Variants in IGSF10 observed in about 807,000 individuals in gnomAD.
IGSF10 encodes the protein immunoglobulin superfamily member 10.
Under a neutral mutation model 128.2 loss-of-function variants are expected in IGSF10, and 126 were observed. The observed-to-expected ratio is 0.98, with a 90% confidence interval of 0.85 to 1.14. IGSF10 has a LOEUF of 1.14. Among genes scored for constraint, IGSF10 ranks in the 50% most tolerant of loss-of-function variants. The probability of loss-of-function intolerance (pLI) is 0.00; values close to 1 mark genes in which losing one functional copy is unlikely to be tolerated. For synonymous variants in IGSF10, 1,185 were observed against 1,146.2 expected (o/e 1.03, Z -0.68); for missense variants, 3,295 against 3,149.8 (o/e 1.05, Z -1.10).
the IGSF10 span, among the ~76,000 whole-genome samples, chr3:151,619,472 G>A: frequency 1.5e-5 from 2 of 134,766 alleles, no homozygotes; most frequent in African/African-American, 2.7e-5. Context: ...GTGTGTGTGT[G>A]TATGTAGTGG....
the IGSF10 span, among the ~76,000 whole-genome samples, chr3:151,472,098 T>C: frequency 3.9e-5 from 6 of 152,182 alleles, no homozygotes; most frequent in African/African-American, 1.4e-4. Flanking sequence ...AAAAAAATAC[T>C]GGTGGGGTGA....
chr3:151,564,961 C>T, the IGSF10 span, among the ~76,000 whole-genome samples: 3 of 152,142 alleles, frequency 2.0e-5, no homozygotes, highest in African/African-American at 7.2e-5. Context: ...ACTCTTGTAA[C>T]AAGCCTAGGA....
the IGSF10 span, among the ~76,000 whole-genome samples, chr3:151,582,300 G>GGC: frequency 6.9e-4 from 72 of 103,948 alleles, 10 homozygotes; most frequent in African/African-American, 2.4e-3. Flanking sequence ...TCCGGGGGGG[G>GGC]GGGCGGGAAG....
chr3:151,444,407 G>A (rs535014493), intron 6 of IGSF10, among the ~76,000 whole-genome samples: 25 of 152,154 alleles, frequency 1.6e-4, no homozygotes, highest in East Asian at 1.4e-3. Flanking sequence ...TCCCAGGTTC[G>A]AGCAATTCTT....
chr3:151,457,122 ATC>A lies in IGSF10; in HGVS notation c.226_227del (p.Asp76PhefsTer22), dbSNP rs769673083. 2.9e-5 allele frequency: 47 copies of A among 1,614,080 alleles called. No homozygotes were observed. Among genetic ancestry groups the A allele is most frequent in the Middle Eastern group, 1.6e-4 (1 of 6,084 alleles). On this transcript the variant is annotated frameshift_variant, in exon 4 of 8. Transcript: ENST00000282466. LOFTEE classifies it high-confidence loss of function. Reference protein sequence around the residue: ...YNSLVRLMETDFSGLTKLELL... With the variant: ...YNSLVRLMETXFSGLTKLELL... ...ACTCCAGTTTGGTCAGGCCAGAAAA[ATC>A]TGTTTCCATCAATCTAACCAAGCTG...
chr3:151,484,973 A>T, the IGSF10 span, among the ~76,000 whole-genome samples: 2 of 152,184 alleles, frequency 1.3e-5, no homozygotes, highest in Non-Finnish European at 2.9e-5. Flanking sequence ...TGACAGAAGT[A>T]GGTTTCAGAA....
At chr3:151,519,206 G>A in the IGSF10 span, among the ~76,000 whole-genome samples, 1 of 151,948 alleles carries the variant, frequency 6.6e-6, no homozygotes, top group South Asian at 2.1e-4. Context: ...TGTCTGTGGA[G>A]ACTATGGCAA....
rs1449380184 is a variant in IGSF10 at position 151,445,279 on chromosome 3, A to G, written c.4702T>C (p.Ser1568Pro). 1 of 1,613,946 alleles carries G rather than the reference A, an allele frequency of 6.2e-7. No homozygotes were observed. Among genetic ancestry groups the G allele is most frequent in the African/African-American group, 1.3e-5 (1 of 74,862 alleles). ...CAAAATTGGTTTTCTGCCCAGGGAG[A>G]TGGAGTTAATTTAGAATTCTGTGAT... ...VKSQNSKLTP[S>P]PWAENQFWHK... The change falls in exon 6 of 8, where the codon TCT (serine) becomes CCT (proline). Residue 1568 changes from serine (S) to proline (P), a missense_variant. Physicochemically the swap from Ser to Pro is moderately conservative, Grantham distance 74. Transcript: ENST00000282466.
the IGSF10 span, among the ~76,000 whole-genome samples, chr3:151,596,553 C>T: frequency 6.6e-6 from 1 of 152,142 alleles, no homozygotes; most frequent in Non-Finnish European, 1.5e-5. Context: ...GCTACAATTG[C>T]CTATGTGTAT....
At chr3:151,536,212 T>G in the IGSF10 span, among the ~76,000 whole-genome samples, 1 of 152,000 alleles carries the variant, frequency 6.6e-6, no homozygotes, top group South Asian at 2.1e-4. Context: ...CTCCTTGGAG[T>G]CAAAGTCTGG....
chr3:151,560,933 C>T, the IGSF10 span, among the ~76,000 whole-genome samples: 4 of 152,110 alleles, frequency 2.6e-5, no homozygotes, highest in Non-Finnish European at 5.9e-5. Flanking sequence ...TCTGAGTCTT[C>T]GTTTACTTGT....
the IGSF10 span, among the ~76,000 whole-genome samples, chr3:151,514,769 A>C: frequency 2.0e-5 from 3 of 152,214 alleles, no homozygotes; most frequent in East Asian, 5.8e-4. Context: ...ACAAATTTAC[A>C]AGAAAAAAAC....
the IGSF10 span, among the ~76,000 whole-genome samples, chr3:151,502,733 C>T: frequency 6.6e-6 from 1 of 151,992 alleles, no homozygotes; most frequent in African/African-American, 2.4e-5. Flanking sequence ...TTTGGACCAA[C>T]CTCTTACTAA....
chr3:151,568,012 A>G, the IGSF10 span, among the ~76,000 whole-genome samples: 1 of 152,144 alleles, frequency 6.6e-6, no homozygotes, highest in South Asian at 2.1e-4. Context: ...ATTTTAAAAC[A>G]AAGCCTCTCT....
the IGSF10 span, among the ~76,000 whole-genome samples, chr3:151,491,337 G>C: frequency 1.3e-5 from 2 of 152,160 alleles, no homozygotes; most frequent in Non-Finnish European, 2.9e-5. Context: ...AGCACTTTGG[G>C]AGGCCATGGC....
At chr3:151,434,180 C>T (rs973938863), downstream of IGSF10, 1 of 152,144 alleles carries the variant, frequency 6.6e-6, no homozygotes, top group Non-Finnish European at 1.5e-5. Flanking sequence ...GTCAAGCATA[C>T]TGTGAATAGA....
chr3:151,510,682 T>G, the IGSF10 span, among the ~76,000 whole-genome samples: 1 of 152,028 alleles, frequency 6.6e-6, no homozygotes, highest in Non-Finnish European at 1.5e-5. Context: ...AAGGAGGAAG[T>G]GTGAACCAAT....
At chr3:151,444,840 G>T in intron 6 of IGSF10, 79 bp downstream of exon 6, 2 of 1,317,506 alleles carry the variant, frequency 1.5e-6, no homozygotes, top group South Asian at 1.5e-5. Context: ...CTGATTCTTT[G>T]GATGTTTAAT....
chr3:151,573,565 G>T, the IGSF10 span, among the ~76,000 whole-genome samples: 3 of 151,626 alleles, frequency 2.0e-5, no homozygotes, highest in East Asian at 1.9e-4. Context: ...GCTTTTTTTT[G>T]ATTTACATTT....
Sources: gnomAD v4.1 joint callset for allele counts (sites outside exome capture counted in the v4.1 genomes callset) on GRCh38, gnomAD v4.1.1 for gene constraint, MANE v1.5 for transcripts, NCBI Gene and HGNC (gene_info 2026-07-23, HGNC 2026-07-21) for gene names.